The following MYH10 variants were observed in gnomAD, a reference collection of about 807,000 sequenced individuals.
MYH10 encodes the protein myosin heavy chain 10.
A neutral mutation model predicts 257.8 loss-of-function variants in MYH10; 55 were observed. The ratio of observed to expected loss-of-function variants is 0.21; its 90% CI spans 0.17 to 0.27. MYH10 has a LOEUF of 0.27. Among genes scored for constraint, MYH10 ranks in the 10% least tolerant of loss-of-function variants. The pLI, the probability that MYH10 is intolerant of heterozygous loss-of-function variation, is 1.00. For missense variants in MYH10, 1,631 were observed against 2,500.6 expected (o/e 0.65, Z 7.42); for synonymous variants, 854 against 921.7 (o/e 0.93, Z 1.33).
At chr17:8,520,263 G>T (rs2081608539) in intron 19 of MYH10, among the ~76,000 whole-genome samples, 1 of 152,156 alleles carries the variant, frequency 6.6e-6, no homozygotes, top group African/African-American at 2.4e-5. Flanking sequence ...ACTTTGGGAG[G>T]CCGAGGCGGG....
At chr17:8,579,615 G>A (rs796324646) in intron 4 of MYH10, among the ~76,000 whole-genome samples, 1 of 151,998 alleles carries the variant, frequency 6.6e-6, no homozygotes, top group Non-Finnish European at 1.5e-5. Context: ...TCATGTTATC[G>A]TAACATTAGT....
intron 6 of MYH10, among the ~76,000 whole-genome samples, chr17:8,576,266 TA>T (rs2083494080): frequency 6.6e-6 from 1 of 152,188 alleles, no homozygotes; most frequent in South Asian, 2.1e-4. Context: ...GTATAATTTT[TA>T]AAGGGGCAGC....
Position 8,492,314 on chromosome 17 carries a change from C to T in MYH10, c.4654G>A (p.Asp1552Asn). The change falls in exon 34 of 43, where the codon GAT becomes AAT. Residue 1552 changes from aspartate to asparagine, a missense_variant. Transcript: ENST00000360416. ...ADMEDLMSSK[D>N]DVGKNVHELE... is the part of the protein sequence containing the mutation. Reference sequence around the variant, plus strand: ...CGACTTACGTTTTTTCCCACATCATCTTTGGAGCTCATGAGGTCTTCCATG... The same window carrying T: ...CGACTTACGTTTTTTCCCACATCATTTTTGGAGCTCATGAGGTCTTCCATG... 1 of 1,613,140 alleles carries T rather than the reference C, an allele frequency of 6.2e-7. No individual in the cohort carries two copies. The highest frequency in any genetic ancestry group is 8.5e-7 in the Non-Finnish European group (1 of 1,180,014).
At chr17:8,489,747 C>CACACACACA (rs1567784631) in intron 35 of MYH10, among the ~76,000 whole-genome samples, 2 of 79,692 alleles carry the variant, frequency 2.5e-5, no homozygotes, top group African/African-American at 1.2e-4. Flanking sequence ...ACACACACAC[C>CACACACACA]CCAAATCCAA....
intron 3 of MYH10, among the ~76,000 whole-genome samples, chr17:8,592,933 C>CATATATATA (rs1555612260): frequency 4.5e-5 from 2 of 44,710 alleles, no homozygotes; most frequent in African/African-American, 6.2e-5. Context: ...TCAAATCCAG[C>CATATATATA]TATATATATA....
At chr17:8,614,835 ACACT>A (rs1238323109) in intron 2 of MYH10, among the ~76,000 whole-genome samples, 1 of 152,232 alleles carries the variant, frequency 6.6e-6, no homozygotes, top group Non-Finnish European at 1.5e-5. Context: ...GCCTCTGGTG[ACACT>A]CATTTTAAAA....
rs146612839 is a variant in MYH10 at position 8,493,776 on chromosome 17, G to GCCT, written c.4163_4165dup (p.Glu1388dup). 7 of 1,612,458 alleles carry GCCT rather than the reference G, an allele frequency of 4.3e-6. No homozygotes were observed. Among genetic ancestry groups the GCCT allele is most frequent in the African/African-American group, 1.3e-5 (1 of 74,864 alleles). On this transcript the variant is annotated inframe_insertion, in exon 32 of 43. Coordinates refer to ENST00000360416, the MANE Select transcript of MYH10 (RefSeq NM_001256012.3). ...CACTTGCTTCTCCAGGTTCTTCCTG[G>GCCT]CCTCCTCCTCCTCCTCCTGCTGCTC...
chr17:8,534,618 G>A (rs569456911), intron 16 of MYH10, among the ~76,000 whole-genome samples: 14 of 152,298 alleles, frequency 9.2e-5, no homozygotes, highest in African/African-American at 3.4e-4. Context: ...AGATGCTACA[G>A]AGAAAGCAGA....
intron 7 of MYH10, among the ~76,000 whole-genome samples, chr17:8,558,588 TCTA>T (rs552063188): frequency 9.3e-4 from 141 of 152,236 alleles, no homozygotes; most frequent in Non-Finnish European, 1.7e-3. Context: ...AGTTGTAACA[TCTA>T]CTATGTTGAA....
intron 11 of MYH10, 145 bp downstream of exon 11, chr17:8,548,168 T>G (rs913534120): frequency 1.9e-5 from 11 of 585,816 alleles, no homozygotes; most frequent in Middle Eastern, 2.6e-4. Context: ...AGAGGAACCC[T>G]CGTGTAAATA....
chr17:8,590,839 C>CCCAAACA (rs1454597511), intron 3 of MYH10, among the ~76,000 whole-genome samples: 3 of 150,506 alleles, frequency 2.0e-5, no homozygotes, highest in Non-Finnish European at 4.4e-5. Flanking sequence ...GGAATACCTT[C>CCCAAACA]CCAAACACTC....
rs368280319 is a variant in MYH10 at position 8,475,478 on chromosome 17, G to A, written c.*326C>T. The A allele has an allele frequency of 2.2e-5, 5 of 232,080 alleles. No homozygotes were observed. Among genetic ancestry groups the A allele is most frequent in the Non-Finnish European group, 3.4e-5 (4 of 117,352 alleles). 14.4% of individuals were successfully genotyped at this position (232,080 alleles called of 1,614,324 possible). ...CACGGCGCTGCCCCAATAACCCAGC[G>A]ACCCGCAACCAAGGGCCTGGAGTTT... On this transcript the variant is annotated 3_prime_UTR_variant, in exon 43 of 43. Transcript: ENST00000360416.
chr17:8,628,616 A>T (rs2085773323), intron 1 of MYH10, among the ~76,000 whole-genome samples: 1 of 152,228 alleles, frequency 6.6e-6, no homozygotes, highest in Non-Finnish European at 1.5e-5. Context: ...TAATTTATCA[A>T]AATCCTGCTC....
At chr17:8,576,058 T>C (rs2083486862) in intron 6 of MYH10, among the ~76,000 whole-genome samples, 1 of 152,234 alleles carries the variant, frequency 6.6e-6, no homozygotes, top group Admixed American at 6.5e-5. Context: ...CATAGCTCAC[T>C]GCAGCCTCAA....
intron 16 of MYH10, among the ~76,000 whole-genome samples, chr17:8,533,801 T>C (rs563551588): frequency 6.6e-6 from 1 of 152,328 alleles, no homozygotes; most frequent in East Asian, 1.9e-4. Context: ...ATCTCATTCC[T>C]TCTGCTGTGT....
intron 17 of MYH10, 39 bp from the exon 18 acceptor site, chr17:8,521,324 C>T (rs752988215): frequency 5.7e-6 from 9 of 1,589,792 alleles, no homozygotes; most frequent in Non-Finnish European, 6.9e-6. Flanking sequence ...TAAGCCAAAC[C>T]TCACTCGTTA....
rs2081368264 is a variant in MYH10, at chr17:8,513,617, T to A, written c.2666A>T (p.Asp889Val). Residue 889 changes from aspartate (D) to valine (V), a missense_variant, in exon 23 of 43, where the codon GAT (aspartate) becomes GTT (valine). Asp to Val is a radical substitution (Grantham distance 152). Transcript: ENST00000360416. ...TRQEEELQAK[D>V]EELLKVKEKQ... is the part of the protein sequence containing the mutation. ...CTCCTTCACCTTCAACAGCTCTTCA[T>A]CTTTGGCCTGAAGTTCTTCCTCCTG... The A allele has an allele frequency of 1.9e-6, 3 of 1,614,058 alleles. No individual in the cohort carries two copies. In the African/African-American group the frequency reaches 4.0e-5, roughly 22 times the overall value.
At chr17:8,594,066 T>C (rs2084270765) in intron 3 of MYH10, among the ~76,000 whole-genome samples, 1 of 152,136 alleles carries the variant, frequency 6.6e-6, no homozygotes, top group Non-Finnish European at 1.5e-5. Flanking sequence ...GGAGAAATAG[T>C]TGTTTCAACA....
At chr17:8,532,687 G>T (rs1324236827) in intron 16 of MYH10, among the ~76,000 whole-genome samples, 2 of 152,146 alleles carry the variant, frequency 1.3e-5, no homozygotes, top group Non-Finnish European at 2.9e-5. Flanking sequence ...TAGGAAGCTG[G>T]GAGCCAAGAA....
Sources: allele counts gnomAD v4.1 joint callset (sites outside exome capture counted in the v4.1 genomes callset), GRCh38; gene constraint gnomAD v4.1.1; transcripts MANE v1.5; gene names NCBI Gene and HGNC (gene_info 2026-07-23, HGNC 2026-07-21).